The following PHACTR2 variants were observed in gnomAD, a reference collection of about 807,000 sequenced individuals.
PHACTR2 encodes the protein chromosome 6 open reading frame 56.
PHACTR2 carries 30 observed loss-of-function variants against 76.0 expected under a neutral mutation model. That is an observed-to-expected ratio of 0.39 (90% confidence interval 0.30 to 0.54). The LOEUF (loss-of-function observed/expected upper bound fraction) is 0.54. Ranked by LOEUF, PHACTR2 falls within the 20% of genes least tolerant of loss-of-function variation. PHACTR2 has a pLI of 0.61. For missense variants in PHACTR2, 696 were observed against 781.1 expected, an observed-to-expected ratio of 0.89 and a Z score of 1.30; for synonymous variants, 292 against 292.5, an observed-to-expected ratio of 1.00 and a Z score of 0.02.
At position 143,653,843 on chromosome 6, in the gene PHACTR2, G is replaced by A. The variant is rs893405975; in HGVS notation, c.13+45521G>A. On this transcript the variant is annotated intron_variant, in intron 1 of 11. Transcript: ENST00000305766. This position sits in a 1 kb window ranked among gnomAD's most constrained non-coding sequence, Gnocchi z 4.9. ...CTTTAAAATATGACACTAAAAGCACGAAAAACAAAAGAAACAATAATAATT... is the reference window on the plus strand; with the variant it reads ...CTTTAAAATATGACACTAAAAGCACAAAAAACAAAAGAAACAATAATAATT... Among the ~76,000 whole-genome samples, 14 of 151,980 alleles carry A rather than the reference G, an allele frequency of 9.2e-5. No individual in the cohort carries two copies. Among genetic ancestry groups the A allele is most frequent in the African/African-American group, 3.1e-4 (13 of 41,386 alleles).
intron 2 of PHACTR2, among the ~76,000 whole-genome samples, chr6:143,717,892 A>C (rs1213591432): frequency 1.3e-5 from 2 of 152,202 alleles, no homozygotes; most frequent in African/African-American, 4.8e-5. Flanking sequence ...GACTTTATAA[A>C]AGAAATTGAA....
In PHACTR2 at chr6:143,678,527, C is replaced by T. The variant is rs1034872277; in HGVS notation, c.46+318C>T. On this transcript the variant is annotated intron_variant, in intron 1 of 12. Coordinates refer to ENST00000440869, the MANE Select transcript of PHACTR2 (RefSeq NM_001100164.2). The surrounding 1 kb of genome is among the most constrained non-coding windows in gnomAD (Gnocchi z 6.2). ...TTGCGTATTACAGTGTTTTTAAAAA[C>T]GCGAAACTTAGAGAGCAAGAGAAAC... 2.0e-5 allele frequency among the ~76,000 whole-genome samples: 3 copies of T among 152,086 alleles called. No individual in the cohort carries two copies. The highest frequency in any genetic ancestry group is 7.2e-5 in the African/African-American group (3 of 41,410).
chr6:143,748,848 T>C (rs892043186), intron 2 of PHACTR2, 137 bp from the exon 3 acceptor site: 1 of 61,622 alleles, frequency 1.6e-5, no homozygotes, highest in Non-Finnish European at 2.7e-5. Flanking sequence ...AGATCATGTG[T>C]TTTTTTTAAG....
rs1022121491 is a variant in PHACTR2 at position 143,791,338 on chromosome 6, C to T, written c.1845+2428C>T. ...GATCATTAATTTTCATCCTTCCTTA[C>T]TTTCTGATACAAGCACTGAAGGTTA... On this transcript the variant is annotated intron_variant, in intron 11 of 12. Coordinates refer to ENST00000440869, the MANE Select transcript of PHACTR2 (RefSeq NM_001100164.2). The surrounding 1 kb of genome is among the most constrained non-coding windows in gnomAD (Gnocchi z 4.7). Among the ~76,000 whole-genome samples, 1 of 152,186 alleles carries T rather than the reference C, an allele frequency of 6.6e-6. No individual in the cohort carries two copies. Among genetic ancestry groups the T allele is most frequent in the Non-Finnish European group, 1.5e-5 (1 of 68,030 alleles).
intron 1 of PHACTR2, among the ~76,000 whole-genome samples, chr6:143,666,322 G>A (rs1777035180): frequency 1.3e-5 from 2 of 152,180 alleles, no homozygotes; most frequent in Non-Finnish European, 2.9e-5. Context: ...ATTGTGAAGA[G>A]TGCTGCAATA....
In PHACTR2 at chr6:143,748,977, T is replaced by C; in HGVS notation, c.215-8T>C. 1 of 1,440,278 alleles carries C rather than the reference T, an allele frequency of 6.9e-7. No individual in the cohort carries two copies. Among genetic ancestry groups the C allele is most frequent in the Non-Finnish European group, 9.7e-7 (1 of 1,027,372 alleles). 89.2% of individuals were successfully genotyped at this position (1,440,278 alleles called of 1,614,324 possible). On this transcript the variant is annotated splice_polypyrimidine_tract_variant and splice_region_variant and intron_variant, in intron 2 of 12. Transcript: ENST00000440869. ...TTGATTCTTACTTGTGCTTGTTCTT[T>C]TTAAAAGTATTAGAAAGGAAGATAT...
In PHACTR2 at chr6:143,743,793, C is replaced by A. The variant is rs1219496654; in HGVS notation, c.215-5192C>A. Among the ~76,000 whole-genome samples the A allele has an allele frequency of 6.6e-6, 1 of 152,186 alleles. No homozygotes were observed. The highest frequency in any genetic ancestry group is 1.5e-5 in the Non-Finnish European group (1 of 68,036). On this transcript the variant is annotated intron_variant, in intron 2 of 12. Coordinates refer to ENST00000440869, the MANE Select transcript of PHACTR2 (RefSeq NM_001100164.2). The surrounding 1 kb of genome is among the most constrained non-coding windows in gnomAD (Gnocchi z 5.0). ...CATGGCACGCTTATTTAATAGTCTT[C>A]TATTTGCTCTTCTATTTTGTCCAGT...
chr6:143,614,239 A>G (rs1776026619), intron 1 of PHACTR2, among the ~76,000 whole-genome samples: 1 of 152,188 alleles, frequency 6.6e-6, no homozygotes, highest in South Asian at 2.1e-4. Flanking sequence ...AAAGATGCTG[A>G]TAGAATTGGC....
At position 143,793,689 on chromosome 6, in the gene PHACTR2, A is replaced by G. The variant is rs1775764760; in HGVS notation, c.1845+4779A>G. ...TGGGAGGCCAAGGTTTCTTGAGCTC[A>G]AGATTTCTTGAGCTCAGGAGTTTGA... On this transcript the variant is annotated intron_variant, in intron 11 of 12. Transcript: ENST00000440869. This position sits in a 1 kb window ranked among gnomAD's most constrained non-coding sequence, Gnocchi z 4.4. 6.6e-6 allele frequency among the ~76,000 whole-genome samples: 1 copy of G among 151,996 alleles called. No homozygotes were observed. The highest frequency in any genetic ancestry group is 2.4e-5 in the African/African-American group (1 of 41,366).
intron 6 of PHACTR2, among the ~76,000 whole-genome samples, chr6:143,771,420 T>C (rs1296579287): frequency 6.7e-6 from 1 of 148,938 alleles, no homozygotes; most frequent in Non-Finnish European, 1.5e-5. Flanking sequence ...TTTATTTTAT[T>C]TTATTTATGT....
Position 143,800,003 on chromosome 6 carries a change from T to G in PHACTR2, c.1846-7054T>G, listed in dbSNP as rs1254062975. 6.6e-6 allele frequency among the ~76,000 whole-genome samples: 1 copy of G among 152,202 alleles called. No individual in the cohort carries two copies. The highest frequency in any genetic ancestry group is 2.4e-5 in the African/African-American group (1 of 41,450). On this transcript the variant is annotated intron_variant, in intron 11 of 12. Coordinates refer to ENST00000440869, the MANE Select transcript of PHACTR2 (RefSeq NM_001100164.2). The surrounding 1 kb of genome is among the most constrained non-coding windows in gnomAD (Gnocchi z 4.8). ...GGGTGTTAAAGTCTCCCATTATTAT[T>G]GTGTGGGAGTCTAAGTTTCTTTGTA... is the stretch of plus-strand genomic sequence containing the variant.
At position 143,658,075 on chromosome 6, in the gene PHACTR2, T is replaced by C. The variant is rs191884123; in HGVS notation, c.13+49753T>C. Among the ~76,000 whole-genome samples, 1 of 152,356 alleles carries C rather than the reference T, an allele frequency of 6.6e-6. No homozygotes were observed. The highest frequency in any genetic ancestry group is 1.9e-4 in the East Asian group (1 of 5,188). On this transcript the variant is annotated intron_variant, in intron 1 of 11. Coordinates refer to the PHACTR2 transcript ENST00000305766. The surrounding 1 kb of genome is among the most constrained non-coding windows in gnomAD (Gnocchi z 4.1). ...ACGTTTGGCCTGTCCAGTTTGGGGC[T>C]ATTATGAACAAAGCTGCTATGAACA...
rs1775922073 is a variant in PHACTR2 at position 143,608,477 on chromosome 6, A to G, written c.13+155A>G. Among the ~76,000 whole-genome samples the G allele has an allele frequency of 6.6e-6, 1 of 152,244 alleles. No homozygotes were observed. The highest frequency in any genetic ancestry group is 1.5e-5 in the Non-Finnish European group (1 of 68,050). Reference sequence around the variant, plus strand: ...ATATGTGAACCCCGATGCATTGTCCACAAGACAATTAGTGTTTACTTTGAA... The same window carrying G: ...ATATGTGAACCCCGATGCATTGTCCGCAAGACAATTAGTGTTTACTTTGAA... On this transcript the variant is annotated intron_variant, in intron 1 of 11. Transcript: ENST00000305766. This position sits in a 1 kb window ranked among gnomAD's most constrained non-coding sequence, Gnocchi z 4.6.
At chr6:143,737,155 T>G (rs1430295127) in intron 2 of PHACTR2, among the ~76,000 whole-genome samples, 2 of 151,606 alleles carry the variant, frequency 1.3e-5, no homozygotes, top group Non-Finnish European at 2.9e-5. Context: ...ATTTTATACC[T>G]TTCTGTAAAT....
chr6:143,762,280 C>T (rs368977862), intron 5 of PHACTR2, among the ~76,000 whole-genome samples: 5 of 152,200 alleles, frequency 3.3e-5, no homozygotes, highest in African/African-American at 1.2e-4. Context: ...TCAGCTTGGA[C>T]TCTCTTTACT....
At position 143,783,179 on chromosome 6, in the gene PHACTR2, A is replaced by G. The variant is rs1380744325; in HGVS notation, c.1646-40A>G. ...CACTTTTCTGAATATGAAATCATCT[A>G]TAGTAACTGTCATCACGACTTTCCT... On this transcript the variant is annotated intron_variant, in intron 9 of 12. Coordinates refer to ENST00000440869, the MANE Select transcript of PHACTR2 (RefSeq NM_001100164.2). This position sits in a 1 kb window ranked among gnomAD's most constrained non-coding sequence, Gnocchi z 5.2. The G allele has an allele frequency of 1.6e-6, 2 of 1,253,110 alleles. No individual in the cohort carries two copies. The highest frequency in any genetic ancestry group is 1.9e-4 in the Middle Eastern group (1 of 5,272). 77.6% of individuals were successfully genotyped at this position (1,253,110 alleles called of 1,614,324 possible).
rs1775295638 is a variant in PHACTR2, at chr6:143,562,550, CAT to C, written c.217+25345_217+25346del. Among the ~76,000 whole-genome samples the C allele has an allele frequency of 6.6e-6, 1 of 152,262 alleles. No individual in the cohort carries two copies. Among genetic ancestry groups the C allele is most frequent in the Non-Finnish European group, 1.5e-5 (1 of 68,018 alleles). On this transcript the variant is annotated intron_variant, in intron 1 of 11. Transcript: ENST00000367584. The surrounding 1 kb of genome is among the most constrained non-coding windows in gnomAD (Gnocchi z 5.1). ...TCCAGCACTGGGGATTACAATTTAA[CAT>C]AAGATTTGGGTGGGGACAAATATCC...
intron 2 of PHACTR2, among the ~76,000 whole-genome samples, chr6:143,720,407 T>C (rs1778412721): frequency 6.6e-6 from 1 of 151,968 alleles, no homozygotes; most frequent in African/African-American, 2.4e-5. Flanking sequence ...AATCGGGAAA[T>C]GTTCCTGGGA....
In PHACTR2 at chr6:143,816,491, G is replaced by T. The variant is rs578168968; in HGVS notation, c.1923-7183G>T. ...GGTTGTTACTTTTTACCGAATCTGG[G>T]CAATCTATCTAAAGAGGGGTCATAG... On this transcript the variant is annotated intron_variant, in intron 12 of 12. Coordinates refer to ENST00000440869, the MANE Select transcript of PHACTR2 (RefSeq NM_001100164.2). The surrounding 1 kb of genome is among the most constrained non-coding windows in gnomAD (Gnocchi z 4.5). Among the ~76,000 whole-genome samples the T allele has an allele frequency of 2.6e-4, 40 of 152,162 alleles. 1 individual carries two copies. In the South Asian group the frequency reaches 7.9e-3, roughly 30 times the overall value.
Sources: gnomAD v4.1 joint callset for allele counts (sites outside exome capture counted in the v4.1 genomes callset) on GRCh38, gnomAD v4.1.1 for gene constraint, Gnocchi (gnomAD v3.1) non-coding constraint, MANE v1.5 for transcripts, NCBI Gene and HGNC (gene_info 2026-07-23, HGNC 2026-07-21) for gene names.